The following NRXN3 variants were observed in gnomAD, a reference collection of about 807,000 sequenced individuals.
NRXN3 encodes the protein neurexin 3, also known as neurexin III.
In NRXN3, 32 loss-of-function variants were observed where a neutral mutation model predicts 137.6. That is an observed-to-expected ratio of 0.23 (90% CI 0.18 to 0.31). The LOEUF is 0.31. NRXN3 is among the 10% of genes least tolerant of loss of function. The pLI is 1.00. For missense variants in NRXN3, 1,574 were observed against 2,062.5 expected (o/e 0.76, Z 4.59); for synonymous variants, 798 against 784.5 (o/e 1.02, Z -0.29).
At chr14:79,159,072 A>C (rs559102683) in intron 15 of NRXN3, among the ~76,000 whole-genome samples, 11 of 151,966 alleles carry the variant, frequency 7.2e-5, no homozygotes, top group Non-Finnish European at 1.6e-4. Flanking sequence ...TGGCTTTCTC[A>C]AAATACTCTC....
chr14:79,613,879 G>A (rs2098129147), intron 16 of NRXN3, among the ~76,000 whole-genome samples: 3 of 152,372 alleles, frequency 2.0e-5, no homozygotes, highest in African/African-American at 7.2e-5. Context: ...GGTAGCTGGT[G>A]ATGCCTCTAC....
chr14:79,747,883 G>C (rs2098984411), intron 19 of NRXN3, among the ~76,000 whole-genome samples: 1 of 152,034 alleles, frequency 6.6e-6, no homozygotes, highest in South Asian at 2.1e-4. Flanking sequence ...CTGAAACTCT[G>C]TCTTAGTTTC....
chr14:79,853,795 CTT>C, intron 20 of NRXN3: 1 of 993,280 alleles, frequency 1.0e-6, no homozygotes, highest in Non-Finnish European at 1.2e-6. Flanking sequence ...TATCTGAAAA[CTT>C]ATAAATGCAG....
intron 19 of NRXN3, among the ~76,000 whole-genome samples, chr14:79,704,305 A>T (rs1397310728): frequency 6.6e-6 from 1 of 152,186 alleles, no homozygotes; most frequent in East Asian, 1.9e-4. Flanking sequence ...GATATTCTCC[A>T]GGTCTTCAAA....
intron 15 of NRXN3, among the ~76,000 whole-genome samples, chr14:79,012,390 G>T (rs991301329): frequency 2.0e-5 from 3 of 152,134 alleles, no homozygotes; most frequent in African/African-American, 7.2e-5. Flanking sequence ...AAAGGAAAGA[G>T]GCAGAAATAG....
Position 78,881,027 on chromosome 14 carries a change from T to C in NRXN3, c.2275+70683T>C, listed in dbSNP as rs181471192. On this transcript the variant is annotated intron_variant, in intron 10 of 20. Transcript: ENST00000335750. ...GATAGTGAGTGAGTTCTCACAAGAT[T>C]TGATGGTTTCATAAGGGGATTTTCC... 7.4e-3 allele frequency among the ~76,000 whole-genome samples: 1,110 copies of C among 150,352 alleles called. 24 individuals carry two copies. Among genetic ancestry groups the C allele is most frequent in the African/African-American group, 0.026 (1,036 of 39,774 alleles).
intron 10 of NRXN3, among the ~76,000 whole-genome samples, chr14:78,829,738 A>G (rs2098976636): frequency 6.6e-6 from 1 of 152,164 alleles, no homozygotes; most frequent in South Asian, 2.1e-4. Flanking sequence ...GGTTGTAAAA[A>G]CACTAATCCA....
At chr14:79,719,965 T>C (rs2098838439) in intron 19 of NRXN3, among the ~76,000 whole-genome samples, 1 of 152,160 alleles carries the variant, frequency 6.6e-6, no homozygotes, top group Non-Finnish European at 1.5e-5. Flanking sequence ...TGCTCTTTTG[T>C]CCACTTTATC....
At chr14:79,680,900 AACTCT>A (rs1304862409) in intron 17 of NRXN3, among the ~76,000 whole-genome samples, 4 of 152,150 alleles carry the variant, frequency 2.6e-5, no homozygotes, top group Non-Finnish European at 4.4e-5. Flanking sequence ...GGAGCTACTT[AACTCT>A]ACTCATTATC....
intron 15 of NRXN3, among the ~76,000 whole-genome samples, chr14:79,083,071 C>A (rs2047376596): frequency 1.3e-5 from 2 of 152,188 alleles, no homozygotes. Context: ...TGCTTCACAG[C>A]AGCATCTCCA....
intron 15 of NRXN3, among the ~76,000 whole-genome samples, chr14:79,340,225 T>G (rs1206058332): frequency 6.6e-6 from 1 of 151,400 alleles, no homozygotes; most frequent in African/African-American, 2.4e-5. Flanking sequence ...GAGATACAGA[T>G]AGACATTTCG....
chr14:78,720,987 A>C (rs1306773409), intron 8 of NRXN3, among the ~76,000 whole-genome samples: 1 of 152,196 alleles, frequency 6.6e-6, no homozygotes, highest in Non-Finnish European at 1.5e-5. Flanking sequence ...GAGAAGACAC[A>C]CTTTCTGTCC....
At chr14:78,948,628 CTTTTTTTT>C (rs201010514) in intron 10 of NRXN3, among the ~76,000 whole-genome samples, 12,885 of 109,158 alleles carry the variant, frequency 0.12, 987 homozygotes, top group East Asian at 0.41. Context: ...ACACATTTAA[CTTTTTTTT>C]TTTTTTTTTT....
intron 4 of NRXN3, among the ~76,000 whole-genome samples, chr14:78,590,926 CA>C (rs2097110530): frequency 6.6e-6 from 1 of 151,638 alleles, no homozygotes; most frequent in Non-Finnish European, 1.5e-5. Context: ...AACAAAAAAC[CA>C]AAAAAGAATG....
chr14:79,799,937 G>A (rs2099172176), intron 19 of NRXN3, among the ~76,000 whole-genome samples: 1 of 152,100 alleles, frequency 6.6e-6, no homozygotes, highest in Non-Finnish European at 1.5e-5. Context: ...TGACATATAG[G>A]TGTTTGAAAA....
intron 15 of NRXN3, among the ~76,000 whole-genome samples, chr14:79,004,898 C>A (rs1404180545): frequency 6.6e-6 from 1 of 152,132 alleles, no homozygotes; most frequent in African/African-American, 2.4e-5. Context: ...CATTTATTGA[C>A]CTTCAGGATG....
rs45488797 is a variant in NRXN3, at chr14:79,805,339, C to T, written c.4093+149C>T. The stretch of plus-strand genomic sequence containing the variant: ...TTATATCTATATATGTATAAGTATA[C>T]ATATATAAATATTATATCAATGAAA... On this transcript the variant is annotated intron_variant, in intron 20 of 20. Transcript: ENST00000335750. The T allele has an allele frequency of 5.6e-3, 2,021 of 360,196 alleles. 8 individuals are homozygous for T. Among genetic ancestry groups the T allele is most frequent in the Non-Finnish European group, 7.9e-3 (1,601 of 203,118 alleles). The allele number at this position is 360,196 out of a possible 1,614,324, so 22.3% of individuals were successfully genotyped here. A position where few individuals can be genotyped will look rare whatever the true frequency, so the allele number is the denominator to read the frequency against.
At chr14:78,932,411 G>A (rs539675415) in intron 10 of NRXN3, among the ~76,000 whole-genome samples, 1 of 152,246 alleles carries the variant, frequency 6.6e-6, no homozygotes, top group African/African-American at 2.4e-5. Flanking sequence ...CTGTTGACAG[G>A]TGGTCCAATT....
intron 4 of NRXN3, among the ~76,000 whole-genome samples, chr14:78,576,829 A>G (rs969841371): frequency 1.3e-5 from 2 of 152,154 alleles, no homozygotes; most frequent in African/African-American, 4.8e-5. Context: ...GTCAAAAGAC[A>G]CCCTTGTTTC....
Sources: allele counts gnomAD v4.1 joint callset (sites outside exome capture counted in the v4.1 genomes callset), GRCh38; gene constraint gnomAD v4.1.1; transcripts MANE v1.5; gene names NCBI Gene and HGNC (gene_info 2026-07-23, HGNC 2026-07-21).